The following GALNT7 variants were observed in gnomAD, a reference collection of about 807,000 sequenced individuals.
GALNT7 encodes polypeptide N-acetylgalactosaminyltransferase 7, also known as N-acetylgalactosaminyltransferase 7.
GALNT7 carries 60 observed loss-of-function variants against 82.1 expected under a neutral mutation model. The observed-to-expected ratio is 0.73, with a 90% CI of 0.59 to 0.91. GALNT7 has a LOEUF of 0.91. Among genes scored for constraint, GALNT7 ranks in the 40% least tolerant of loss-of-function variants. GALNT7 has a pLI of 0.00. For synonymous variants in GALNT7, 243 were observed against 275.1 expected, an observed-to-expected ratio of 0.88 and a Z score of 1.15; for missense variants, 660 against 804.2, an observed-to-expected ratio of 0.82 and a Z score of 2.17.
rs1734710456 is a variant in GALNT7, at chr4:173,248,003, C to T, written c.150C>T (p.Pro50=). The T allele has an allele frequency of 1.9e-6, 3 of 1,612,766 alleles. No individual in the cohort carries two copies. The highest frequency in any genetic ancestry group is 1.7e-6 in the Non-Finnish European group (2 of 1,179,058). ...AGGAAGACAGAGATGTCAATGACCC[C>T]ATGCCCAACCGAGGCGGCAATGGAC... The part of the protein sequence containing the change: ...RMREDRDVND[P]MPNRGGNGLA... Residue 50 remains proline, a synonymous_variant, in exon 2 of 12, where the codon CCC becomes CCT. Transcript: ENST00000265000.
At chr4:173,231,482 G>T (rs1014478994) in intron 1 of GALNT7, among the ~76,000 whole-genome samples, 19 of 152,118 alleles carry the variant, frequency 1.2e-4, no homozygotes, top group South Asian at 6.2e-4. Context: ...ACAGGCCAGG[G>T]TTCAAACCTA....
rs776315192 is a variant in GALNT7 at position 173,278,953 on chromosome 4, A to G, written c.588-13155A>G. The stretch of plus-strand genomic sequence containing the variant: ...CACTGTATGGAATAAAATCTACCAT[A>G]CTGTGTTCCCAAGGAGCATACTTTG... On this transcript the variant is annotated intron_variant, in intron 2 of 11. Transcript: ENST00000265000. Among the ~76,000 whole-genome samples, 4 of 152,156 alleles carry G rather than the reference A, an allele frequency of 2.6e-5. No homozygotes were observed. In the East Asian group the frequency reaches 5.8e-4, roughly 22 times the overall value.
At chr4:173,218,071 A>G (rs1306863936) in intron 1 of GALNT7, among the ~76,000 whole-genome samples, 1 of 152,168 alleles carries the variant, frequency 6.6e-6, no homozygotes, top group African/African-American at 2.4e-5. Context: ...GAGACAGGGT[A>G]GGGAGACAGA....
chr4:173,276,778 C>T (rs1735928654), intron 2 of GALNT7, among the ~76,000 whole-genome samples: 1 of 152,206 alleles, frequency 6.6e-6, no homozygotes, highest in Non-Finnish European at 1.5e-5. Flanking sequence ...CCAGAGTTTG[C>T]AGGCAGAGTT....
At chr4:173,183,428 G>C (rs973522803) in intron 1 of GALNT7, among the ~76,000 whole-genome samples, 2 of 151,966 alleles carry the variant, frequency 1.3e-5, no homozygotes, top group Non-Finnish European at 2.9e-5. Flanking sequence ...CTGGCACAAG[G>C]CTCCTTTCTG....
chr4:173,233,297 C>T (rs546955904), intron 1 of GALNT7, among the ~76,000 whole-genome samples: 33 of 152,252 alleles, frequency 2.2e-4, no homozygotes, highest in Admixed American at 9.1e-4. Flanking sequence ...TTTTAGGTTT[C>T]TGAGAAACCT....
chr4:173,213,622 T>G (rs977037632), intron 1 of GALNT7, among the ~76,000 whole-genome samples: 1 of 152,102 alleles, frequency 6.6e-6, no homozygotes, highest in East Asian at 1.9e-4. Context: ...GGAGGCTGTT[T>G]GCACATATCC....
Position 173,183,161 on chromosome 4 carries a change from C to T in GALNT7, c.126+14200C>T, listed in dbSNP as rs1732324063. ...GGTAACCGAACCTTTAACTCTTGAGCCAGTGATAATGAGAAAATAAAATTT... is the reference window on the plus strand; with the variant it reads ...GGTAACCGAACCTTTAACTCTTGAGTCAGTGATAATGAGAAAATAAAATTT... On this transcript the variant is annotated intron_variant, in intron 1 of 11. Transcript: ENST00000265000. 2.0e-5 allele frequency among the ~76,000 whole-genome samples: 3 copies of T among 151,476 alleles called. No homozygotes were observed. In the South Asian group the frequency reaches 6.2e-4, roughly 31 times the overall value.
intron 2 of GALNT7, chr4:173,282,286 C>G (rs1430070777): frequency 6.6e-6 from 1 of 152,204 alleles, no homozygotes; most frequent in African/African-American, 2.4e-5. Flanking sequence ...GTGGAGCCCA[C>G]CATGTATATG....
At chr4:173,258,370 A>G (rs978371753) in intron 2 of GALNT7, among the ~76,000 whole-genome samples, 4 of 152,230 alleles carry the variant, frequency 2.6e-5, no homozygotes, top group Admixed American at 2.6e-4. Flanking sequence ...GTTCAGCCCT[A>G]GTGTACTTAT....
intron 6 of GALNT7, among the ~76,000 whole-genome samples, chr4:173,300,543 G>A (rs781038179): frequency 3.3e-5 from 5 of 151,804 alleles, no homozygotes; most frequent in Admixed American, 6.6e-5. Flanking sequence ...TTTCAGGATC[G>A]TGAATAACAT....
In GALNT7 at chr4:173,188,825, C is replaced by T. The variant is rs182984911; in HGVS notation, c.126+19864C>T. Among the ~76,000 whole-genome samples, 469 of 152,308 alleles carry T rather than the reference C, an allele frequency of 3.1e-3. 2 individuals carry two copies. The highest frequency in any genetic ancestry group is 2.5e-3 in the Non-Finnish European group (169 of 68,036). ...TCCATACCGATATATCTGACCTCAG[C>T]AAAGTTCCTGATTATGATTGATGGT... On this transcript the variant is annotated intron_variant, in intron 1 of 11. Transcript: ENST00000265000.
At chr4:173,237,191 T>C (rs1468677171) in intron 1 of GALNT7, among the ~76,000 whole-genome samples, 4 of 152,228 alleles carry the variant, frequency 2.6e-5, no homozygotes, top group African/African-American at 9.6e-5. Flanking sequence ...GGTATTTTTT[T>C]CCCTGGGGTG....
intron 2 of GALNT7, among the ~76,000 whole-genome samples, chr4:173,267,617 CAG>C (rs1188995135): frequency 6.6e-6 from 1 of 152,102 alleles, no homozygotes; most frequent in Admixed American, 6.5e-5. Context: ...GCAGAGCTCA[CAG>C]AAAATGAGGG....
In GALNT7 at chr4:173,322,865, A is replaced by G. The variant is rs1334711771; in HGVS notation, c.*1148A>G. 1 of 152,204 alleles carries G rather than the reference A, an allele frequency of 6.6e-6. No homozygotes were observed. Among genetic ancestry groups the G allele is most frequent in the African/African-American group, 2.4e-5 (1 of 41,450 alleles). 9.4% of individuals were successfully genotyped at this position (152,204 alleles called of 1,614,324 possible). The stretch of plus-strand genomic sequence containing the variant: ...TGCACGTTTTTAAAATTTAAAAACA[A>G]AGGACTATTTAAAAATACAGTTTAT... On this transcript the variant is annotated 3_prime_UTR_variant, in exon 12 of 12. Transcript: ENST00000265000.
intron 2 of GALNT7, among the ~76,000 whole-genome samples, chr4:173,259,918 G>A (rs1012610328): frequency 6.6e-5 from 10 of 152,234 alleles, no homozygotes; most frequent in African/African-American, 2.2e-4. Flanking sequence ...GATTACAGGC[G>A]TGAGCCACCA....
intron 1 of GALNT7, among the ~76,000 whole-genome samples, chr4:173,170,613 T>C (rs1731828869): frequency 6.6e-6 from 1 of 152,232 alleles, no homozygotes; most frequent in Non-Finnish European, 1.5e-5. Context: ...GCTTCTCAGC[T>C]CATGGAGTGA....
intron 2 of GALNT7, among the ~76,000 whole-genome samples, chr4:173,250,060 G>A (rs1734794651): frequency 6.6e-6 from 1 of 152,168 alleles, no homozygotes; most frequent in Non-Finnish European, 1.5e-5. Flanking sequence ...ACCAAACTGT[G>A]AGAGAGCTCT....
intron 11 of GALNT7, 88 bp from the exon 12 acceptor site, chr4:173,321,492 G>A: frequency 1.1e-6 from 1 of 884,540 alleles, no homozygotes; most frequent in Non-Finnish European, 1.8e-6. Flanking sequence ...TCCTTAAACT[G>A]TCTCCTCATG....
Sources: gnomAD v4.1 joint callset for allele counts (sites outside exome capture counted in the v4.1 genomes callset) on GRCh38, gnomAD v4.1.1 for gene constraint, MANE v1.5 for transcripts, NCBI Gene and HGNC (gene_info 2026-07-23, HGNC 2026-07-21) for gene names.